Variants in PEPD observed in about 807,000 individuals in gnomAD.
PEPD encodes peptidase D.
PEPD carries 53 observed loss-of-function variants against 60.7 expected under a neutral mutation model. The observed-to-expected ratio is 0.87, with a 90% CI of 0.70 to 1.10. The LOEUF (loss-of-function observed/expected upper bound fraction) is 1.10, where lower values mean the gene tolerates loss of function less well. Among genes scored for constraint, PEPD ranks in the 50% least tolerant of loss-of-function variants. PEPD has a pLI of 0.00. For missense variants in PEPD, 711 were observed against 711.9 expected, an observed-to-expected ratio of 1.00 and a Z score of 0.01; for synonymous variants, 267 against 284.1, an observed-to-expected ratio of 0.94 and a Z score of 0.60.
intron 4 of PEPD, among the ~76,000 whole-genome samples, chr19:33,495,994 CA>C (rs934586883): frequency 8.1e-6 from 1 of 124,210 alleles, no homozygotes; most frequent in East Asian, 2.6e-4. Context: ...AAACAAAAAA[CA>C]AAAAAAAACA....
intron 9 of PEPD, 98 bp downstream of exon 9, chr19:33,462,897 G>T: frequency 1.2e-6 from 1 of 802,920 alleles, no homozygotes; most frequent in South Asian, 1.3e-5. Context: ...CGCTCACGGT[G>T]TGTGTGCCAC....
At chr19:33,395,889 C>A (rs572746840) in intron 12 of PEPD, among the ~76,000 whole-genome samples, 1 of 152,272 alleles carries the variant, frequency 6.6e-6, no homozygotes, top group East Asian at 1.9e-4. Context: ...TGAGCTGGCA[C>A]GGGGCTGAGG....
At chr19:33,455,797 A>G (rs1295132807) in intron 9 of PEPD, among the ~76,000 whole-genome samples, 1 of 151,620 alleles carries the variant, frequency 6.6e-6, no homozygotes, top group African/African-American at 2.4e-5. Context: ...TACAGGCATG[A>G]GTGTGTAATT....
At chr19:33,488,616 G>A (rs1001632390) in intron 6 of PEPD, among the ~76,000 whole-genome samples, 2 of 152,148 alleles carry the variant, frequency 1.3e-5, no homozygotes, top group African/African-American at 4.8e-5. Flanking sequence ...GTGGGAGGCG[G>A]GGCCGCTTTG....
intron 11 of PEPD, among the ~76,000 whole-genome samples, chr19:33,403,359 G>A (rs1054652407): frequency 1.3e-5 from 2 of 152,224 alleles, no homozygotes; most frequent in African/African-American, 2.4e-5. Flanking sequence ...CAGGAGGGCT[G>A]AGGAAGTGCA....
chr19:33,500,561 C>A (rs1173839830), intron 4 of PEPD, among the ~76,000 whole-genome samples: 1 of 152,250 alleles, frequency 6.6e-6, no homozygotes, highest in African/African-American at 2.4e-5. Context: ...GTGGCATCTG[C>A]AGTCAACCAG....
intron 2 of PEPD, among the ~76,000 whole-genome samples, chr19:33,511,863 G>A (rs1970932654): frequency 6.6e-6 from 1 of 152,230 alleles, no homozygotes; most frequent in South Asian, 2.1e-4. Flanking sequence ...ATGGAGTGGA[G>A]AGACGGGACC....
chr19:33,456,499 G>A (rs756755080), intron 9 of PEPD, among the ~76,000 whole-genome samples: 1 of 152,212 alleles, frequency 6.6e-6, no homozygotes, highest in Non-Finnish European at 1.5e-5. Context: ...AGCCAAGCAA[G>A]TGCTAGCAGC....
rs1968188108 is a variant in PEPD, at chr19:33,390,429, G to A, written c.1152+866C>T. ...AATTGAATAATAATGCTTCTCTTAA[G>A]CAATTCCCCCCACTGCCCCCACCCT... On this transcript the variant is annotated intron_variant, in intron 13 of 14. Coordinates refer to ENST00000244137, the MANE Select transcript of PEPD (RefSeq NM_000285.4). Among the ~76,000 whole-genome samples the A allele has an allele frequency of 2.0e-5, 3 of 152,354 alleles. No homozygotes were observed. The South Asian group carries it at 6.2e-4, about 32-fold the overall frequency.
chr19:33,415,142 C>T (rs1304597878), intron 9 of PEPD, among the ~76,000 whole-genome samples: 5 of 152,156 alleles, frequency 3.3e-5, no homozygotes, highest in African/African-American at 9.7e-5. Context: ...GAGGCCTGAC[C>T]CACGCCGTGG....
intron 1 of PEPD, among the ~76,000 whole-genome samples, chr19:33,517,077 A>C (rs952052096): frequency 1.3e-5 from 2 of 152,166 alleles, no homozygotes; most frequent in African/African-American, 4.8e-5. Flanking sequence ...GCTACCCGGG[A>C]GGCTAAGGCA....
chr19:33,488,403 A>G (rs928664102), intron 6 of PEPD, among the ~76,000 whole-genome samples: 3 of 152,004 alleles, frequency 2.0e-5, no homozygotes, highest in African/African-American at 4.8e-5. Flanking sequence ...GGCCATAGAG[A>G]GGTTCCATGG....
Position 33,388,089 on chromosome 19 carries a change from G to A in PEPD, c.1153-8C>T, listed in dbSNP as rs1472221755. On this transcript the variant is annotated splice_polypyrimidine_tract_variant and splice_region_variant and intron_variant, in intron 13 of 14. Transcript: ENST00000244137. ...GTCGATGCGCTCCACGCCCTGTGGG[G>A]AACAGAGGTGAGGGGCCTGATGAGC... 11 of 1,544,938 alleles carry A rather than the reference G, an allele frequency of 7.1e-6. No individual in the cohort carries two copies. The highest frequency in any genetic ancestry group is 9.6e-6 in the Non-Finnish European group (11 of 1,146,584).
In PEPD at chr19:33,516,125, T is replaced by A. The variant is rs76091198; in HGVS notation, c.18-3349A>T. ...GAGGCAAGGCAATATGCTACAGTCA[T>A]TAATTACAGGACACCAAGTAATAAA... On this transcript the variant is annotated intron_variant, in intron 1 of 14. Transcript: ENST00000244137. Among the ~76,000 whole-genome samples the A allele has an allele frequency of 5.0e-3, 757 of 152,152 alleles. 25 individuals carry two copies. The East Asian group carries it at 0.1, about 21-fold the overall frequency.
intron 9 of PEPD, among the ~76,000 whole-genome samples, chr19:33,438,470 G>A (rs1969421854): frequency 6.6e-6 from 1 of 152,236 alleles, no homozygotes; most frequent in African/African-American, 2.4e-5. Flanking sequence ...GCCTTATGAG[G>A]TCTGATGCCA....
At chr19:33,391,664 G>T (rs1043182167) in intron 12 of PEPD, among the ~76,000 whole-genome samples, 185 bp from the exon 13 acceptor site, 1 of 152,176 alleles carries the variant, frequency 6.6e-6, no homozygotes, top group African/African-American at 2.4e-5. Flanking sequence ...CCCCGTGCTG[G>T]GCTTTCCCAG....
At chr19:33,449,020 C>T (rs1370525734) in intron 9 of PEPD, among the ~76,000 whole-genome samples, 1 of 152,228 alleles carries the variant, frequency 6.6e-6, no homozygotes, top group Non-Finnish European at 1.5e-5. Flanking sequence ...TCCCCACACT[C>T]CCCAACCAAG....
At chr19:33,472,666 C>T (rs1261749510) in intron 7 of PEPD, among the ~76,000 whole-genome samples, 1 of 152,208 alleles carries the variant, frequency 6.6e-6, no homozygotes, top group Non-Finnish European at 1.5e-5. Context: ...TAACTGAGAT[C>T]TAAACACTCC....
At chr19:33,437,619 C>T (rs1464495463) in intron 9 of PEPD, among the ~76,000 whole-genome samples, 3 of 152,158 alleles carry the variant, frequency 2.0e-5, no homozygotes, top group Non-Finnish European at 2.9e-5. Context: ...CTGTCACAAT[C>T]GTTTAGATCA....
Sources: allele counts gnomAD v4.1 joint callset (sites outside exome capture counted in the v4.1 genomes callset), GRCh38; gene constraint gnomAD v4.1.1; transcripts MANE v1.5; gene names NCBI Gene and HGNC (gene_info 2026-07-23, HGNC 2026-07-21).